AFG1L: variants seen among roughly 807,000 people sequenced by gnomAD.
The protein encoded by AFG1L is AFG1-like ATPase.
Under a neutral mutation model 62.2 loss-of-function variants are expected in AFG1L, and 53 were observed. The ratio of observed to expected loss-of-function variants is 0.85; its 90% CI spans 0.68 to 1.07. The LOEUF (loss-of-function observed/expected upper bound fraction) is 1.07, where lower values mean the gene tolerates loss of function less well. Ranked by LOEUF, AFG1L falls within the 50% of genes least tolerant of loss-of-function variation. AFG1L has a pLI of 0.00. For missense variants in AFG1L, 555 were observed against 590.5 expected, an observed-to-expected ratio of 0.94 and a Z score of 0.62; for synonymous variants, 228 against 210.3, an observed-to-expected ratio of 1.08 and a Z score of -0.73.
intron 10 of AFG1L, among the ~76,000 whole-genome samples, chr6:108,509,901 C>T (rs1270160449): frequency 6.6e-6 from 1 of 152,186 alleles, no homozygotes; most frequent in Non-Finnish European, 1.5e-5. Context: ...AGTGTCTCAT[C>T]TTTTGTAAAC....
At chr6:108,318,416 CTTTTG>C (rs2114274594) in intron 1 of AFG1L, 1 of 248,316 alleles carries the variant, frequency 4.0e-6, no homozygotes, top group African/African-American at 2.3e-5. Context: ...TAAGTATCAT[CTTTTG>C]TTTTATTATG....
chr6:108,363,466 T>G (rs2114488086), intron 5 of AFG1L, among the ~76,000 whole-genome samples: 1 of 152,308 alleles, frequency 6.6e-6, no homozygotes, highest in South Asian at 2.1e-4. Context: ...TTGGATAGTT[T>G]TTTTTTGTTT....
rs1024087233 is a variant in AFG1L, at chr6:108,522,857, T to C, written c.*432T>C. ...GTTTCAATTCAAAACAAAGACAGTT[T>C]TCCAATCTGATATAAACTAAAAGGG... On this transcript the variant is annotated 3_prime_UTR_variant, in exon 13 of 13. Coordinates refer to ENST00000368977, the MANE Select transcript of AFG1L (RefSeq NM_145315.5). 2 of 153,370 alleles carry C rather than the reference T, an allele frequency of 1.3e-5. No homozygotes were observed. Among genetic ancestry groups the C allele is most frequent in the African/African-American group, 4.8e-5 (2 of 41,442 alleles). 9.5% of individuals were successfully genotyped at this position (153,370 alleles called of 1,614,324 possible). A position where few individuals can be genotyped will look rare whatever the true frequency, so the allele number is the denominator to read the frequency against.
At chr6:108,300,825 A>G (rs1486781763) in intron 1 of AFG1L, among the ~76,000 whole-genome samples, 1 of 152,188 alleles carries the variant, frequency 6.6e-6, no homozygotes, top group African/African-American at 2.4e-5. Context: ...GGCGCACGCC[A>G]TCACGCCTGG....
Position 108,471,522 on chromosome 6 carries a change from A to G in AFG1L, c.891-5343A>G, listed in dbSNP as rs548889661. 9.1e-4 allele frequency among the ~76,000 whole-genome samples: 121 copies of G among 133,176 alleles called. 1 individual carries two copies. The highest frequency in any genetic ancestry group is 1.5e-3 in the Non-Finnish European group (96 of 64,794). 87.4% of individuals were successfully genotyped at this position (133,176 alleles called of 152,430 possible). A position where few individuals can be genotyped will look rare whatever the true frequency, so the allele number is the denominator to read the frequency against. Reference sequence around the variant, plus strand: ...GTTGCCCAGGCTGGAGTGCAGTGGCATGATCTTGACTCACTACAACCTCCC... The same window carrying G: ...GTTGCCCAGGCTGGAGTGCAGTGGCGTGATCTTGACTCACTACAACCTCCC... On this transcript the variant is annotated intron_variant, in intron 8 of 12. Coordinates refer to ENST00000368977, the MANE Select transcript of AFG1L (RefSeq NM_145315.5).
intron 7 of AFG1L, among the ~76,000 whole-genome samples, chr6:108,442,714 A>G (rs563674610): frequency 1.3e-5 from 2 of 152,280 alleles, no homozygotes; most frequent in South Asian, 4.1e-4. Flanking sequence ...TGCTATACCT[A>G]TACTAGCCAC....
chr6:108,514,283 A>C (rs568763390), intron 11 of AFG1L, among the ~76,000 whole-genome samples: 1 of 152,276 alleles, frequency 6.6e-6, no homozygotes, highest in East Asian at 1.9e-4. Flanking sequence ...GAAGCCCATC[A>C]GACTAACAGT....
At chr6:108,449,316 G>A (rs1420395192) in intron 8 of AFG1L, among the ~76,000 whole-genome samples, 1 of 151,828 alleles carries the variant, frequency 6.6e-6, no homozygotes, top group East Asian at 1.9e-4. Context: ...ATTTGTTCCT[G>A]AATTTAACAT....
At chr6:108,326,710 A>G (rs925281537) in intron 2 of AFG1L, among the ~76,000 whole-genome samples, 4 of 152,230 alleles carry the variant, frequency 2.6e-5, no homozygotes, top group African/African-American at 4.8e-5. Flanking sequence ...CTGTAATCCC[A>G]GCACTTTGGG....
chr6:108,356,846 T>G, intron 5 of AFG1L, 26 bp downstream of exon 5: 1 of 1,577,484 alleles, frequency 6.3e-7, no homozygotes, highest in South Asian at 1.2e-5. Flanking sequence ...TTCATAGATA[T>G]AGAATGGTAT....
chr6:108,510,459 C>T, intron 11 of AFG1L, 107 bp downstream of exon 11: 1 of 774,582 alleles, frequency 1.3e-6, no homozygotes, highest in Non-Finnish European at 2.0e-6. Context: ...TACTGCACCT[C>T]TTTGTGCCTC....
At chr6:108,340,445 C>T (rs1227811047) in intron 2 of AFG1L, among the ~76,000 whole-genome samples, 2 of 151,458 alleles carry the variant, frequency 1.3e-5, no homozygotes, top group Non-Finnish European at 2.9e-5. Context: ...CTCACTGCAA[C>T]CTCCATCTCC....
At chr6:108,492,530 T>C (rs986188157) in intron 10 of AFG1L, among the ~76,000 whole-genome samples, 3 of 152,226 alleles carry the variant, frequency 2.0e-5, no homozygotes, top group African/African-American at 7.2e-5. Context: ...ACTTATTATG[T>C]TCTGTAGTCT....
At chr6:108,373,150 A>G (rs980373256) in intron 6 of AFG1L, among the ~76,000 whole-genome samples, 2 of 152,062 alleles carry the variant, frequency 1.3e-5, no homozygotes, top group Non-Finnish European at 1.5e-5. Flanking sequence ...GGTACTGAGC[A>G]TAGTATCTAA....
chr6:108,424,659 A>C (rs534278089), intron 7 of AFG1L, among the ~76,000 whole-genome samples: 2 of 152,246 alleles, frequency 1.3e-5, no homozygotes, highest in East Asian at 3.9e-4. Context: ...AGAATGAGTT[A>C]GAAGTGGTTA....
At chr6:108,335,649 C>A (rs555368724) in intron 2 of AFG1L, among the ~76,000 whole-genome samples, 40 of 152,284 alleles carry the variant, frequency 2.6e-4, no homozygotes, top group African/African-American at 8.9e-4. Flanking sequence ...GAGTAATGCT[C>A]GTATCTCAAT....
At chr6:108,327,659 G>T (rs1778104909) in intron 2 of AFG1L, among the ~76,000 whole-genome samples, 1 of 152,158 alleles carries the variant, frequency 6.6e-6, no homozygotes, top group Non-Finnish European at 1.5e-5. Flanking sequence ...GCCTCACTTT[G>T]GGGGTTAGAA....
chr6:108,476,896 G>C lies in AFG1L; in HGVS notation c.922G>C (p.Asp308His), dbSNP rs770528677. ...TSEADVEAVMDKLFDELAQKQ... is the reference protein window; with the variant it reads ...TSEADVEAVMHKLFDELAQKQ... The stretch of plus-strand genomic sequence containing the variant: ...TGAAGCTGATGTGGAGGCTGTCATG[G>C]ATAAGTTGTTTGATGAGCTGGCTCA... Residue 308 changes from aspartate (D) to histidine (H), a missense_variant, in exon 9 of 13, where the codon GAT becomes CAT. Asp to His is a moderately conservative substitution (Grantham distance 81). Coordinates refer to ENST00000368977, the MANE Select transcript of AFG1L (RefSeq NM_145315.5). 4 of 1,613,970 alleles carry C rather than the reference G, an allele frequency of 2.5e-6. No individual in the cohort carries two copies. The South Asian group carries it at 4.4e-5, about 18-fold the overall frequency.
intron 10 of AFG1L, among the ~76,000 whole-genome samples, chr6:108,484,507 A>C (rs996079270): frequency 1.3e-5 from 2 of 152,188 alleles, no homozygotes; most frequent in African/African-American, 4.8e-5. Context: ...AGGCACCTCA[A>C]GGGTCACCTT....
Sources: allele counts gnomAD v4.1 joint callset (sites outside exome capture counted in the v4.1 genomes callset), GRCh38; gene constraint gnomAD v4.1.1; transcripts MANE v1.5; gene names NCBI Gene and HGNC (gene_info 2026-07-23, HGNC 2026-07-21).